Variants in HTR2C observed in about 807,000 individuals in gnomAD.
HTR2C encodes the protein 5-hydroxytryptamine receptor 2C, also known as 5-hydroxytryptamine (serotonin) receptor 2C, G protein-coupled.
Under a neutral mutation model 21.0 loss-of-function variants are expected in HTR2C, and 5 were observed. That is an observed-to-expected ratio of 0.24 (90% CI 0.12 to 0.50). The LOEUF is 0.50. Among genes scored for constraint, HTR2C ranks in the 20% least tolerant of loss-of-function variants. HTR2C has a pLI of 0.98. For synonymous variants in HTR2C, 150 were observed against 145.3 expected (o/e 1.03, Z -0.23); for missense variants, 271 against 371.2 (o/e 0.73, Z 2.22).
chrX:114,621,532 A>G (rs1259775540), intron 2 of HTR2C, among the ~76,000 whole-genome samples: 1 of 112,147 alleles, frequency 8.9e-6, no homozygotes, highest in Non-Finnish European at 1.9e-5. Context: ...CCATACAAAA[A>G]CAGTCTGTTG....
chrX:114,748,061 T>A (rs144233804), intron 4 of HTR2C, among the ~76,000 whole-genome samples: 161 of 112,229 alleles, frequency 1.4e-3, no homozygotes, highest in African/African-American at 5.0e-3. Context: ...ATTAAGTGAG[T>A]TTAGCAAGCT....
chrX:114,692,746 C>T (rs1932144253), intron 2 of HTR2C, among the ~76,000 whole-genome samples: 1 of 111,607 alleles, frequency 9.0e-6, no homozygotes, highest in Non-Finnish European at 1.9e-5. Flanking sequence ...AGCAGAAATG[C>T]TGCCTACAAG....
chrX:114,884,067 G>A (rs1556480545), intron 5 of HTR2C, among the ~76,000 whole-genome samples: 2 of 110,822 alleles, frequency 1.8e-5, no homozygotes, highest in African/African-American at 6.5e-5. Flanking sequence ...TAGCATAATG[G>A]CCTCCAGATT....
At chrX:114,659,371 A>AAC (rs1930902554) in intron 2 of HTR2C, among the ~76,000 whole-genome samples, 1 of 25,196 alleles carries the variant, frequency 4.0e-5, no homozygotes, top group Non-Finnish European at 7.2e-5. Flanking sequence ...TCAAGGTTAT[A>AAC]ACAGTGACAG....
chrX:114,877,840 T>A (rs1486621392), intron 5 of HTR2C, among the ~76,000 whole-genome samples: 4 of 111,114 alleles, frequency 3.6e-5, no homozygotes, highest in African/African-American at 1.3e-4. Flanking sequence ...ATTTCAATCT[T>A]CTTAAATTCA....
At chrX:114,828,224 A>G (rs189921436) in intron 4 of HTR2C, among the ~76,000 whole-genome samples, 64 of 110,965 alleles carry the variant, frequency 5.8e-4, no homozygotes, top group African/African-American at 2.1e-3. Context: ...CTACTCTTCT[A>G]TTGAGTCCAT....
In HTR2C at chrX:114,695,109, T is replaced by C. The variant is rs929171792; in HGVS notation, c.-79-31749T>C. Among the ~76,000 whole-genome samples, 4 of 112,016 alleles carry C rather than the reference T, an allele frequency of 3.6e-5. No individual in the cohort carries two copies. The Admixed American group carries it at 3.8e-4, about 11-fold the overall frequency. ...AGGGAAATTTGTCACGCAAACCGATTACCTAACTTATTAAGGCTTGTAGAA... is the reference window on the plus strand; with the variant it reads ...AGGGAAATTTGTCACGCAAACCGATCACCTAACTTATTAAGGCTTGTAGAA... On this transcript the variant is annotated intron_variant, in intron 2 of 5. Coordinates refer to ENST00000276198, the MANE Select transcript of HTR2C (RefSeq NM_000868.4).
chrX:114,844,539 AT>A (rs1193710266), intron 4 of HTR2C, among the ~76,000 whole-genome samples: 2 of 112,220 alleles, frequency 1.8e-5, no homozygotes, highest in Non-Finnish European at 3.8e-5. Context: ...ATGTGAAAGA[AT>A]TAAATTTTCC....
intron 2 of HTR2C, among the ~76,000 whole-genome samples, chrX:114,626,246 A>G (rs1929369040): frequency 9.2e-6 from 1 of 108,685 alleles, no homozygotes; most frequent in South Asian, 4.0e-4. Context: ...AAAATTAGCC[A>G]GGCATGGTGG....
chrX:114,863,766 AT>A (rs2071023726), intron 5 of HTR2C, among the ~76,000 whole-genome samples: 1 of 111,513 alleles, frequency 9.0e-6, no homozygotes, highest in Non-Finnish European at 1.9e-5. Context: ...ATTGCTATCC[AT>A]TTTGTTCTTT....
chrX:114,674,692 A>G (rs1159914239), intron 2 of HTR2C, among the ~76,000 whole-genome samples: 1 of 111,762 alleles, frequency 8.9e-6, no homozygotes, highest in African/African-American at 3.3e-5. Context: ...CTATTATTTC[A>G]TTTAAGCCTC....
chrX:114,877,654 TTTCC>T (rs2071149201), intron 5 of HTR2C, among the ~76,000 whole-genome samples: 1 of 111,044 alleles, frequency 9.0e-6, no homozygotes, highest in African/African-American at 3.3e-5. Flanking sequence ...GTATGTTGTG[TTTCC>T]ATTTTTGTTT....
chrX:114,619,045 G>C (rs994328787), intron 2 of HTR2C, among the ~76,000 whole-genome samples: 1 of 111,536 alleles, frequency 9.0e-6, no homozygotes, highest in African/African-American at 3.3e-5. Context: ...CTTCCATAAA[G>C]TATTCTCAGT....
intron 3 of HTR2C, among the ~76,000 whole-genome samples, chrX:114,728,245 A>G (rs1338205274): frequency 1.8e-5 from 2 of 111,545 alleles, no homozygotes; most frequent in Admixed American, 1.9e-4. Flanking sequence ...TTTAGTAGCA[A>G]TGAGTAAATT....
intron 2 of HTR2C, among the ~76,000 whole-genome samples, chrX:114,688,703 A>G (rs1556414643): frequency 8.9e-6 from 1 of 111,925 alleles, no homozygotes; most frequent in Non-Finnish European, 1.9e-5. Flanking sequence ...TCTATAAGCT[A>G]GTAAGTAAAT....
chrX:114,709,918 G>A (rs909291198), intron 2 of HTR2C, among the ~76,000 whole-genome samples: 13 of 111,202 alleles, frequency 1.2e-4, no homozygotes, highest in African/African-American at 2.6e-4. Context: ...TTAAAGAGAG[G>A]CAATGAGACA....
chrX:114,675,875 CT>C (rs1232049383), intron 2 of HTR2C, among the ~76,000 whole-genome samples: 4 of 98,508 alleles, frequency 4.1e-5, no homozygotes, highest in Non-Finnish European at 2.0e-5. Flanking sequence ...TTTCTTTTTT[CT>C]TTTTTTTTTT....
At chrX:114,854,976 G>A (rs2070947578) in intron 5 of HTR2C, among the ~76,000 whole-genome samples, 2 of 111,801 alleles carry the variant, frequency 1.8e-5, no homozygotes, top group Admixed American at 1.9e-4. Flanking sequence ...GAAAATGTTC[G>A]ATGTCACTAA....
intron 4 of HTR2C, among the ~76,000 whole-genome samples, chrX:114,741,452 G>T (rs1420030981): frequency 1.1e-5 from 1 of 94,158 alleles, no homozygotes. Context: ...AGAGGCGGAG[G>T]TTGCAGTGAG....
Sources: allele counts gnomAD v4.1 joint callset (sites outside exome capture counted in the v4.1 genomes callset), GRCh38; gene constraint gnomAD v4.1.1; transcripts MANE v1.5; gene names NCBI Gene and HGNC (gene_info 2026-07-23, HGNC 2026-07-21).